The following DHRSX variants were observed in gnomAD, a reference collection of about 807,000 sequenced individuals.
DHRSX encodes the protein dehydrogenase/reductase X-linked.
DHRSX carries 31 observed loss-of-function variants against 34.0 expected under a neutral mutation model. The observed-to-expected ratio is 0.91, with a 90% CI of 0.69 to 1.23. The LOEUF (loss-of-function observed/expected upper bound fraction) is 1.23. Among genes scored for constraint, DHRSX ranks in the 50% most tolerant of loss-of-function variants. The pLI, the probability that DHRSX is intolerant of heterozygous loss-of-function variation, is 0.00. For synonymous variants in DHRSX, 201 were observed against 183.8 expected (o/e 1.09, Z -0.76); for missense variants, 414 against 428.1 (o/e 0.97, Z 0.29).
intron 5 of DHRSX, among the ~76,000 whole-genome samples, chrX:2,250,076 C>T (rs1317386025): frequency 5.3e-5 from 8 of 149,848 alleles, no homozygotes; most frequent in Non-Finnish European, 1.5e-5. Context: ...GCAGGAGAAT[C>T]GCTTGAACCC....
intron 4 of DHRSX, among the ~76,000 whole-genome samples, chrX:2,275,508 T>G (rs1231588806): frequency 1.9e-5 from 1 of 53,424 alleles, no homozygotes; most frequent in Non-Finnish European, 4.9e-5. Flanking sequence ...AGACTATGTT[T>G]CAAAACAAAA....
At chrX:2,498,625 GAAAAAA>G (rs10624636) in intron 1 of DHRSX, among the ~76,000 whole-genome samples, 1 of 128,778 alleles carries the variant, frequency 7.8e-6, no homozygotes, top group Non-Finnish European at 1.6e-5. Context: ...CAGTAAATGG[GAAAAAA>G]AAAAAAAAAA....
At chrX:2,490,115 C>T in intron 1 of DHRSX, 1 of 1,613,934 alleles carries the variant, frequency 6.2e-7, no homozygotes, top group Non-Finnish European at 8.5e-7. Flanking sequence ...ATTCTCACTC[C>T]TCCACATGTC....
intron 3 of DHRSX, among the ~76,000 whole-genome samples, chrX:2,376,729 C>T (rs2043144021): frequency 6.6e-6 from 1 of 151,502 alleles, no homozygotes; most frequent in African/African-American, 2.4e-5. Context: ...GGTATAGTGG[C>T]TCACGCCTGT....
chrX:2,291,651 T>G, intron 3 of DHRSX, 48 bp from the exon 4 acceptor site: 1 of 1,399,162 alleles, frequency 7.1e-7, no homozygotes. Context: ...CCCAACCTAT[T>G]TCAGAGATTA....
In DHRSX at chrX:2,314,477, GGAAGGA is replaced by G. The variant is rs1569487330; in HGVS notation, c.287-22880_287-22875del. On this transcript the variant is annotated intron_variant, in intron 3 of 6. Coordinates refer to ENST00000334651, the MANE Select transcript of DHRSX (RefSeq NM_145177.3). Reference sequence around the variant, plus strand: ...AGGGAGGAAGGAAGGGGAGAAGGAAGGAAGGAAGGAAGGGAGGTAAAGGAGGTAAGG... The same window carrying G: ...AGGGAGGAAGGAAGGGGAGAAGGAAGAGGAAGGGAGGTAAAGGAGGTAAGG... Among the ~76,000 whole-genome samples, 43 of 121,844 alleles carry G rather than the reference GGAAGGA, an allele frequency of 3.5e-4. 2 individuals are homozygous for G. The highest frequency in any genetic ancestry group is 1.7e-3 in the African/African-American group (42 of 24,038). The allele number at this position is 121,844 out of a possible 152,430, so 79.9% of individuals were successfully genotyped here. A position where few individuals can be genotyped will look rare whatever the true frequency, so the allele number is the denominator to read the frequency against.
intron 3 of DHRSX, among the ~76,000 whole-genome samples, chrX:2,331,436 G>GTTTTTTTTT (rs1159991841): frequency 0.011 from 1,016 of 94,608 alleles, 135 homozygotes; most frequent in Middle Eastern, 0.041. Context: ...AGGTTTTTTG[G>GTTTTTTTTT]TTTTTTTTTT....
At chrX:2,251,139 A>G (rs1040823717) in intron 5 of DHRSX, among the ~76,000 whole-genome samples, 6 of 152,218 alleles carry the variant, frequency 3.9e-5, no homozygotes, top group South Asian at 2.1e-4. Flanking sequence ...AGAAAGCCAC[A>G]TGCCAAAATC....
At chrX:2,403,723 G>A (rs1466516279) in intron 3 of DHRSX, among the ~76,000 whole-genome samples, 2 of 152,006 alleles carry the variant, frequency 1.3e-5, no homozygotes, top group Non-Finnish European at 2.9e-5. Context: ...GGGCCTGGTG[G>A]TGGGTGTCTG....
chrX:2,287,016 G>A (rs1272468817), intron 4 of DHRSX, among the ~76,000 whole-genome samples: 1 of 152,198 alleles, frequency 6.6e-6, no homozygotes, highest in East Asian at 1.9e-4. Context: ...TTGTCACATT[G>A]CAAGAGGTGT....
chrX:2,457,654 G>C (rs1021033261), intron 1 of DHRSX, among the ~76,000 whole-genome samples: 1 of 148,768 alleles, frequency 6.7e-6, no homozygotes, highest in East Asian at 2.0e-4. Context: ...CCGTGGACAT[G>C]CTGAAGATGG....
At chrX:2,313,907 G>A in intron 3 of DHRSX, among the ~76,000 whole-genome samples, 1 of 152,062 alleles carries the variant, frequency 6.6e-6, no homozygotes, top group African/African-American at 2.4e-5. Flanking sequence ...ACTCAACCTG[G>A]GGGCTGCCAG....
chrX:2,398,700 C>G (rs1467216986), intron 3 of DHRSX, among the ~76,000 whole-genome samples: 1 of 135,994 alleles, frequency 7.4e-6, no homozygotes, highest in Non-Finnish European at 1.5e-5. Context: ...GATGGACTCT[C>G]GCTGTGTCAC....
At chrX:2,236,066 C>T (rs909634503) in intron 6 of DHRSX, among the ~76,000 whole-genome samples, 5 of 151,814 alleles carry the variant, frequency 3.3e-5, no homozygotes, top group Admixed American at 6.6e-5. Flanking sequence ...GAGCTGAGAT[C>T]GCGCCATTGT....
At chrX:2,303,845 A>ATGGATGGGTGGATGGG (rs755844988) in intron 3 of DHRSX, among the ~76,000 whole-genome samples, 3 of 93,566 alleles carry the variant, frequency 3.2e-5, no homozygotes, top group East Asian at 3.4e-4. Flanking sequence ...GGATGGATGG[A>ATGGATGGGTGGATGGG]TGGATGGGTG....
At chrX:2,396,989 TC>T (rs1213877891) in intron 3 of DHRSX, among the ~76,000 whole-genome samples, 1 of 152,086 alleles carries the variant, frequency 6.6e-6, no homozygotes, top group Admixed American at 6.5e-5. Flanking sequence ...AAATTCAGCT[TC>T]TTTTTACTAT....
intron 3 of DHRSX, among the ~76,000 whole-genome samples, chrX:2,332,728 T>C (rs770376006): frequency 1.6e-4 from 24 of 152,304 alleles, no homozygotes; most frequent in African/African-American, 5.8e-4. Flanking sequence ...GTAAGAATCT[T>C]CGACAAGAAG....
chrX:2,486,763 G>T (rs1486137314), intron 1 of DHRSX: 1 of 152,208 alleles, frequency 6.6e-6, no homozygotes, highest in South Asian at 2.1e-4. Context: ...CCAAGTTCAC[G>T]GCGGAACCGC....
chrX:2,361,869 G>A (rs774422884), intron 3 of DHRSX, among the ~76,000 whole-genome samples: 12 of 152,258 alleles, frequency 7.9e-5, no homozygotes, highest in South Asian at 6.2e-4. Context: ...GTTCACCATC[G>A]GCAAGCATTT....
Sources: gnomAD v4.1 joint callset for allele counts (sites outside exome capture counted in the v4.1 genomes callset) on GRCh38, gnomAD v4.1.1 for gene constraint, MANE v1.5 for transcripts, NCBI Gene and HGNC (gene_info 2026-07-23, HGNC 2026-07-21) for gene names.